NRG1: variants seen among roughly 807,000 people sequenced by gnomAD.
NRG1 encodes the protein pro-neuregulin-1, membrane-bound isoform.
A neutral mutation model predicts 63.8 loss-of-function variants in NRG1; 18 were observed. That is an observed-to-expected ratio of 0.28 (90% confidence interval 0.19 to 0.42). The LOEUF (loss-of-function observed/expected upper bound fraction) is 0.42. NRG1 is among the 10% of genes least tolerant of loss of function. The pLI is 1.00. For missense variants in NRG1, 762 were observed against 814.7 expected, an observed-to-expected ratio of 0.94 and a Z score of 0.79; for synonymous variants, 302 against 301.3, an observed-to-expected ratio of 1.00 and a Z score of -0.02.
chr8:32,418,121 A>G (rs907409275), intron 1 of NRG1, among the ~76,000 whole-genome samples: 4 of 152,142 alleles, frequency 2.6e-5, no homozygotes, highest in African/African-American at 9.6e-5. Context: ...TTGAAAATAC[A>G]GCGATATTTA....
intron 1 of NRG1, among the ~76,000 whole-genome samples, chr8:31,909,790 A>C (rs968985216): frequency 5.9e-5 from 9 of 152,196 alleles, no homozygotes; most frequent in African/African-American, 2.2e-4. Flanking sequence ...TGCGTTGTAC[A>C]TGTGGGAGAA....
intron 1 of NRG1, among the ~76,000 whole-genome samples, chr8:31,961,132 T>C (rs1198020309): frequency 6.6e-6 from 1 of 152,222 alleles, no homozygotes; most frequent in East Asian, 1.9e-4. Context: ...CTCAGAGTAG[T>C]AGAATCTAGT....
At chr8:32,205,327 A>G (rs1843932961) in intron 1 of NRG1, among the ~76,000 whole-genome samples, 1 of 152,180 alleles carries the variant, frequency 6.6e-6, no homozygotes, top group South Asian at 2.1e-4. Context: ...TAGGCACTCA[A>G]TGCTCATTTT....
intron 1 of NRG1, among the ~76,000 whole-genome samples, chr8:32,332,073 C>T (rs543941526): frequency 1.3e-5 from 2 of 151,796 alleles, no homozygotes; most frequent in African/African-American, 4.8e-5. Flanking sequence ...ATCACTTGAA[C>T]CCAGGAGTTT....
At chr8:32,280,975 G>A (rs1852745599) in intron 1 of NRG1, among the ~76,000 whole-genome samples, 2 of 150,560 alleles carry the variant, frequency 1.3e-5, no homozygotes, top group Admixed American at 1.3e-4. Context: ...TAGCCAGGTT[G>A]GTCTCGATCT....
chr8:32,461,635 T>C (rs1182224826), intron 1 of NRG1, among the ~76,000 whole-genome samples: 1 of 152,172 alleles, frequency 6.6e-6, no homozygotes, highest in East Asian at 1.9e-4. Flanking sequence ...GAGGTTGAAA[T>C]GACTCTAGAT....
At chr8:31,877,662 CA>C (rs1420605194) in intron 1 of NRG1, among the ~76,000 whole-genome samples, 2 of 152,070 alleles carry the variant, frequency 1.3e-5, no homozygotes, top group Non-Finnish European at 2.9e-5. Flanking sequence ...CATCTAATAA[CA>C]AATCTTTGAT....
chr8:32,254,814 T>C (rs1849500176), intron 1 of NRG1, among the ~76,000 whole-genome samples: 1 of 152,186 alleles, frequency 6.6e-6, no homozygotes, highest in Non-Finnish European at 1.5e-5. Context: ...CTAAGTCTCT[T>C]TGTAGGTCTC....
chr8:31,875,069 T>C (rs1420778354), intron 1 of NRG1, among the ~76,000 whole-genome samples: 2 of 152,180 alleles, frequency 1.3e-5, no homozygotes, highest in Non-Finnish European at 2.9e-5. Context: ...AGAGTGGCCA[T>C]CTAAGTGATG....
chr8:32,215,518 C>T lies in NRG1; in HGVS notation c.38-380310C>T, dbSNP rs115807671. 4.2e-3 allele frequency among the ~76,000 whole-genome samples: 634 copies of T among 152,300 alleles called. 3 individuals are homozygous for T. Among genetic ancestry groups the T allele is most frequent in the African/African-American group, 0.015 (605 of 41,574 alleles). On this transcript the variant is annotated intron_variant, in intron 1 of 10. Transcript: ENST00000519301. Reference sequence around the variant, plus strand: ...ATACTTCATCTCACTAATCCTCACACACTTATGAGGAAACTACTGAGAGTG... The same window carrying T: ...ATACTTCATCTCACTAATCCTCACATACTTATGAGGAAACTACTGAGAGTG...
chr8:32,377,720 C>T (rs577736038), intron 1 of NRG1, among the ~76,000 whole-genome samples: 280 of 152,308 alleles, frequency 1.8e-3, no homozygotes, highest in Non-Finnish European at 3.4e-3. Flanking sequence ...TCCCCAATTT[C>T]ACCCAGTATC....
intron 1 of NRG1, among the ~76,000 whole-genome samples, chr8:31,984,774 G>A (rs75580469): frequency 0.02 from 3,011 of 152,162 alleles, 84 homozygotes; most frequent in African/African-American, 0.068. Context: ...TCATCATTAG[G>A]CACATTGCCC....
chr8:31,978,244 TC>T (rs1234031049), intron 1 of NRG1, among the ~76,000 whole-genome samples: 5 of 152,118 alleles, frequency 3.3e-5, no homozygotes, highest in African/African-American at 7.2e-5. Flanking sequence ...TCCATTGACA[TC>T]AAAATTTAAC....
chr8:32,100,122 T>C (rs1342768598), intron 1 of NRG1, among the ~76,000 whole-genome samples: 1 of 151,984 alleles, frequency 6.6e-6, no homozygotes, highest in Non-Finnish European at 1.5e-5. Flanking sequence ...CCCCCTCTTT[T>C]CCTCCTTCCC....
chr8:32,259,428 T>A (rs1170810719), intron 1 of NRG1, among the ~76,000 whole-genome samples: 1 of 152,182 alleles, frequency 6.6e-6, no homozygotes, highest in Non-Finnish European at 1.5e-5. Flanking sequence ...CCATCTTCAG[T>A]GCTCACTTCA....
chr8:32,713,695 AATAAATATATATAATAATATATTTATGTT>A (rs1818387851), intron 5 of NRG1, among the ~76,000 whole-genome samples: 1 of 147,378 alleles, frequency 6.8e-6, no homozygotes, highest in African/African-American at 2.5e-5. Context: ...CCAACTTTTA[AATAAATATATATAATAATATATTTATGTT>A]ATAAATATAT....
intron 1 of NRG1, among the ~76,000 whole-genome samples, chr8:32,344,602 A>ATTTTTTTT (rs61448713): frequency 6.3e-3 from 635 of 101,140 alleles, no homozygotes; most frequent in African/African-American, 0.013. Context: ...ACACTCAGCT[A>ATTTTTTTT]TTTTTTTTTT....
intron 1 of NRG1, among the ~76,000 whole-genome samples, chr8:31,811,025 T>G (rs965586114): frequency 6.6e-6 from 1 of 152,230 alleles, no homozygotes; most frequent in African/African-American, 2.4e-5. Context: ...CTCTATAGTT[T>G]GGCTATGAGC....
chr8:32,411,324 C>T (rs1025317293), intron 1 of NRG1, among the ~76,000 whole-genome samples: 1 of 152,106 alleles, frequency 6.6e-6, no homozygotes, highest in African/African-American at 2.4e-5. Context: ...GGAGACTTAA[C>T]GGTGTGGGAC....
Sources: gnomAD v4.1 joint callset for allele counts (sites outside exome capture counted in the v4.1 genomes callset) on GRCh38, gnomAD v4.1.1 for gene constraint, MANE v1.5 for transcripts, NCBI Gene and HGNC (gene_info 2026-07-23, HGNC 2026-07-21) for gene names.